Variants in SAMD12 observed in about 807,000 individuals in gnomAD.
The protein encoded by SAMD12 is sterile alpha motif domain containing 12, also known as sterile alpha motif domain-containing protein 12.
SAMD12 carries 9 observed loss-of-function variants against 15.0 expected under a neutral mutation model. That is an observed-to-expected ratio of 0.60 (90% confidence interval 0.36 to 1.05). SAMD12 has a LOEUF of 1.05. SAMD12 is among the 50% of genes least tolerant of loss of function. The pLI, the probability that SAMD12 is intolerant of heterozygous loss-of-function variation, is 0.01. For missense variants in SAMD12, 230 were observed against 234.2 expected, an observed-to-expected ratio of 0.98 and a Z score of 0.12; for synonymous variants, 86 against 90.1, an observed-to-expected ratio of 0.96 and a Z score of 0.25.
intron 1 of SAMD12, among the ~76,000 whole-genome samples, chr8:118,593,992 G>A (rs1407576981): frequency 6.6e-6 from 1 of 152,152 alleles, no homozygotes; most frequent in Non-Finnish European, 1.5e-5. Context: ...TTAGACAACT[G>A]TCAGATCTTT....
the SAMD12 span, among the ~76,000 whole-genome samples, chr8:118,169,986 T>G: frequency 6.6e-6 from 1 of 152,180 alleles, no homozygotes; most frequent in Non-Finnish European, 1.5e-5. Flanking sequence ...AAATTTCATG[T>G]TTGTGGTGGG....
intron 4 of SAMD12, among the ~76,000 whole-genome samples, chr8:118,307,507 TG>T (rs954884475): frequency 3.9e-5 from 6 of 152,200 alleles, no homozygotes; most frequent in Non-Finnish European, 7.3e-5. Context: ...TGTCATCAGC[TG>T]GGGGTGGGAT....
At chr8:118,547,205 G>A (rs192108867) in intron 2 of SAMD12, among the ~76,000 whole-genome samples, 45 of 152,248 alleles carry the variant, frequency 3.0e-4, no homozygotes, top group Admixed American at 2.0e-3. Context: ...CCACAGGCAC[G>A]TCTTTTTTAA....
At chr8:118,476,471 A>C (rs1823963204) in intron 2 of SAMD12, among the ~76,000 whole-genome samples, 1 of 152,240 alleles carries the variant, frequency 6.6e-6, no homozygotes, top group Non-Finnish European at 1.5e-5. Flanking sequence ...GAGATAAATA[A>C]AGAATCCAAG....
chr8:118,321,186 T>TATATATATATATATATATATA (rs1816257301), intron 4 of SAMD12, among the ~76,000 whole-genome samples: 10 of 121,526 alleles, frequency 8.2e-5, no homozygotes, highest in South Asian at 2.7e-4. Flanking sequence ...TATATATATA[T>TATATATATATATATATATATA]TCTTCATCAG....
chr8:118,560,745 G>A (rs899108802), intron 2 of SAMD12, among the ~76,000 whole-genome samples: 3 of 151,920 alleles, frequency 2.0e-5, no homozygotes, highest in Non-Finnish European at 4.4e-5. Context: ...ATTATAACCA[G>A]TGAATATGCG....
chr8:118,610,885 G>A (rs1828092334), intron 1 of SAMD12, among the ~76,000 whole-genome samples: 1 of 152,110 alleles, frequency 6.6e-6, no homozygotes, highest in African/African-American at 2.4e-5. Context: ...GTTCCCTCTT[G>A]TGATCTTACT....
intron 1 of SAMD12, among the ~76,000 whole-genome samples, chr8:118,582,313 T>C (rs1339724707): frequency 6.6e-6 from 1 of 152,160 alleles, no homozygotes; most frequent in Non-Finnish European, 1.5e-5. Flanking sequence ...CTTCGCAAGT[T>C]ACACAGAAAC....
chr8:118,494,390 C>G (rs913359532), intron 2 of SAMD12, among the ~76,000 whole-genome samples: 3 of 152,186 alleles, frequency 2.0e-5, no homozygotes, highest in African/African-American at 7.2e-5. Flanking sequence ...AAAATATATA[C>G]AACAGCTTCA....
intron 4 of SAMD12, among the ~76,000 whole-genome samples, chr8:118,220,706 A>G (rs1812064898): frequency 6.6e-6 from 1 of 152,220 alleles, no homozygotes; most frequent in African/African-American, 2.4e-5. Context: ...CAAGCTTGGA[A>G]CAGCAACGGA....
intron 1 of SAMD12, among the ~76,000 whole-genome samples, chr8:118,601,736 C>A (rs1260335278): frequency 2.0e-5 from 3 of 152,176 alleles, no homozygotes; most frequent in African/African-American, 7.2e-5. Flanking sequence ...TTTAGTTTGG[C>A]AGTTGGCTCC....
At chr8:118,367,515 A>T (rs530957480) in intron 4 of SAMD12, among the ~76,000 whole-genome samples, 1 of 152,348 alleles carries the variant, frequency 6.6e-6, no homozygotes, top group East Asian at 1.9e-4. Context: ...GTCAAGCCAC[A>T]AGGTCAAGGT....
intron 4 of SAMD12, among the ~76,000 whole-genome samples, chr8:118,249,317 T>A (rs1039595452): frequency 6.6e-6 from 1 of 152,190 alleles, no homozygotes; most frequent in Non-Finnish European, 1.5e-5. Context: ...CTCCAGTATA[T>A]GCACATACTT....
At chr8:118,336,032 C>T (rs1204525597) in intron 4 of SAMD12, among the ~76,000 whole-genome samples, 1 of 152,202 alleles carries the variant, frequency 6.6e-6, no homozygotes, top group Non-Finnish European at 1.5e-5. Context: ...CCCACGTTTT[C>T]CTTTACTCCT....
In SAMD12 at chr8:118,533,647, A is replaced by G. The variant is rs536989421; in HGVS notation, c.192+47068T>C. Among the ~76,000 whole-genome samples, 21 of 152,372 alleles carry G rather than the reference A, an allele frequency of 1.4e-4. No individual in the cohort carries two copies. In the South Asian group the frequency reaches 4.3e-3, roughly 32 times the overall value. On this transcript the variant is annotated intron_variant, in intron 2 of 3. Coordinates refer to ENST00000314727, the MANE Select transcript of SAMD12 (RefSeq NM_207506.3). ...TCCTGTATTAGATGCATATATAATT[A>G]GGATAGTTAGCTCTTCTTGTTGAAT...
intron 2 of SAMD12, among the ~76,000 whole-genome samples, chr8:118,572,962 G>T (rs980663710): frequency 2.0e-5 from 3 of 152,274 alleles, no homozygotes; most frequent in South Asian, 2.1e-4. Flanking sequence ...GTTCTCACAA[G>T]ATCTGATGGT....
intron 2 of SAMD12, among the ~76,000 whole-genome samples, chr8:118,481,780 A>C (rs1465268222): frequency 6.6e-6 from 1 of 152,160 alleles, no homozygotes; most frequent in East Asian, 1.9e-4. Flanking sequence ...GTTCCATTAA[A>C]TATAATAAAA....
chr8:118,374,429 ATGC>A (rs754649756), downstream of SAMD12, among the ~76,000 whole-genome samples: 30 of 152,148 alleles, frequency 2.0e-4, no homozygotes, highest in Non-Finnish European at 4.1e-4. Flanking sequence ...ATTGTGAATA[ATGC>A]TGCACTGAAC....
At chr8:118,311,672 A>C (rs1815639424) in intron 4 of SAMD12, among the ~76,000 whole-genome samples, 1 of 152,120 alleles carries the variant, frequency 6.6e-6, no homozygotes, top group Non-Finnish European at 1.5e-5. Flanking sequence ...CTCAGAAAAG[A>C]ATGTTCTTTT....
Sources: allele counts gnomAD v4.1 joint callset (sites outside exome capture counted in the v4.1 genomes callset), GRCh38; gene constraint gnomAD v4.1.1; transcripts MANE v1.5; gene names NCBI Gene and HGNC (gene_info 2026-07-23, HGNC 2026-07-21).